Variants in DTNA observed in about 807,000 individuals in gnomAD.
DTNA encodes the protein dystrobrevin alpha.
A neutral mutation model predicts 100.7 loss-of-function variants in DTNA; 43 were observed. That is an observed-to-expected ratio of 0.43 (90% CI 0.33 to 0.55). The LOEUF is 0.55. Among genes scored for constraint, DTNA ranks in the 20% least tolerant of loss-of-function variants. The pLI is 0.04. For synonymous variants in DTNA, 349 were observed against 347.9 expected (o/e 1.00, Z -0.04); for missense variants, 798 against 953.9 (o/e 0.84, Z 2.15).
At chr18:34,626,401 A>C (rs1434424908) in intron 1 of DTNA, among the ~76,000 whole-genome samples, 2 of 152,192 alleles carry the variant, frequency 1.3e-5, no homozygotes, top group Non-Finnish European at 2.9e-5. Context: ...ATGTCCAAAA[A>C]GGGCCTATCA....
At chr18:34,790,163 T>A (rs908561172) in intron 3 of DTNA, among the ~76,000 whole-genome samples, 6 of 152,174 alleles carry the variant, frequency 3.9e-5, no homozygotes, top group Non-Finnish European at 5.9e-5. Flanking sequence ...TTCCTATGTG[T>A]AAGGATGTGT....
intron 9 of DTNA, among the ~76,000 whole-genome samples, chr18:34,823,943 CAAAAT>C (rs1166566734): frequency 2.0e-5 from 3 of 151,996 alleles, no homozygotes; most frequent in African/African-American, 7.3e-5. Context: ...AGCACAGACT[CAAAAT>C]AAAACATTTT....
chr18:34,645,121 C>T (rs892990135), intron 1 of DTNA, among the ~76,000 whole-genome samples: 3 of 152,080 alleles, frequency 2.0e-5, no homozygotes, highest in Admixed American at 2.0e-4. Context: ...AGCTTTTCAA[C>T]ATAATGTAGT....
rs757959636 is a variant in DTNA, at chr18:34,875,336, C to T, written c.1841C>T (p.Thr614Met). ...IRSASACSTP[T>M]HTPQDSLTGV... is the part of the protein sequence containing the mutation. The stretch of plus-strand genomic sequence containing the variant: ...TCAGCGTCAGCCTGCTCCACCCCGA[C>T]GCACACGCCGCAGGACTCCCTCACA... Residue 614 changes from threonine to methionine, a missense_variant, in exon 18 of 23, where the codon ACG becomes ATG. This residue lies in a region of DTNA where 242 missense variants were observed against 238.2 expected (regional missense o/e 1.02). Transcript: ENST00000444659. 18 of 1,614,224 alleles carry T rather than the reference C, an allele frequency of 1.1e-5. No individual in the cohort carries two copies. The highest frequency in any genetic ancestry group is 1.6e-4 in the Middle Eastern group (1 of 6,062).
At chr18:34,740,460 G>A (rs1238748888) in intron 1 of DTNA, among the ~76,000 whole-genome samples, 1 of 151,760 alleles carries the variant, frequency 6.6e-6, no homozygotes, top group Non-Finnish European at 1.5e-5. Context: ...TGCAGACACT[G>A]AAGCTGGAAT....
intron 1 of DTNA, among the ~76,000 whole-genome samples, chr18:34,750,757 C>T (rs992692238): frequency 7.2e-5 from 11 of 152,042 alleles, no homozygotes; most frequent in South Asian, 2.1e-4. Context: ...ATGTAAGGCA[C>T]CATTAGTTTC....
At chr18:34,579,686 G>A (rs2165074) in intron 1 of DTNA, among the ~76,000 whole-genome samples, 15,676 of 152,076 alleles carry the variant, frequency 0.1, 1,172 homozygotes, top group African/African-American at 0.21. Flanking sequence ...TTTTTCCTCT[G>A]GCTGCTTTTA....
At chr18:34,677,364 A>T (rs2077517154) in intron 1 of DTNA, among the ~76,000 whole-genome samples, 1 of 152,140 alleles carries the variant, frequency 6.6e-6, no homozygotes, top group Admixed American at 6.5e-5. Context: ...TGGACAAAAA[A>T]AAAGAAATAT....
chr18:34,721,062 T>C (rs1460003071), intron 1 of DTNA, among the ~76,000 whole-genome samples: 2 of 152,112 alleles, frequency 1.3e-5, no homozygotes, highest in Middle Eastern at 3.2e-3. Flanking sequence ...CCCACAATCC[T>C]AGGAGGTTGA....
Position 34,890,596 on chromosome 18 carries a change from C to T in DTNA, c.*2862C>T. 3 of 1,121,554 alleles carry T rather than the reference C, an allele frequency of 2.7e-6. No homozygotes were observed. Among genetic ancestry groups the T allele is most frequent in the Non-Finnish European group, 3.7e-6 (3 of 810,750 alleles). 69.5% of individuals were successfully genotyped at this position (1,121,554 alleles called of 1,614,324 possible). ...CTGGTCTAACACAGCCAACCCTCCT[C>T]CACAGCGCCATATTAATGGAGGAGG... is the stretch of plus-strand genomic sequence containing the variant. On this transcript the variant is annotated 3_prime_UTR_variant, in exon 23 of 23. Transcript: ENST00000444659.
intron 1 of DTNA, among the ~76,000 whole-genome samples, chr18:34,685,104 C>T (rs1458486581): frequency 6.6e-6 from 1 of 152,186 alleles, no homozygotes; most frequent in Non-Finnish European, 1.5e-5. Context: ...TGCCTGTTCA[C>T]TCTGCTGATA....
chr18:34,600,768 A>G (rs1219257948), intron 1 of DTNA, among the ~76,000 whole-genome samples: 8 of 152,246 alleles, frequency 5.3e-5, no homozygotes, highest in African/African-American at 1.9e-4. Context: ...GAAGTGTTCC[A>G]GATATACTAT....
At chr18:34,589,267 T>C (rs1402198951) in intron 1 of DTNA, among the ~76,000 whole-genome samples, 1 of 152,160 alleles carries the variant, frequency 6.6e-6, no homozygotes, top group African/African-American at 2.4e-5. Flanking sequence ...AGGTGATTAC[T>C]ACAGTTAAAC....
At chr18:34,829,231 GTTGTTTA>G in intron 10 of DTNA, 162 bp from the exon 11 acceptor site, 1 of 1,541,560 alleles carries the variant, frequency 6.5e-7, no homozygotes, top group Non-Finnish European at 8.7e-7. Flanking sequence ...CCACAGTTGT[GTTGTTTA>G]AAGCTCACAT....
upstream of DTNA, chr18:34,708,071 T>C (rs1229634863): frequency 6.6e-6 from 1 of 152,218 alleles, no homozygotes; most frequent in Non-Finnish European, 1.5e-5. Flanking sequence ...TAAAATTGTT[T>C]TTTTCTACCA....
chr18:34,864,030 G>T lies in DTNA; in HGVS notation c.1711G>T (p.Val571Phe), dbSNP rs2096662895. Residue 571 changes from valine (V) to phenylalanine (F), a missense_variant, in exon 17 of 23, where the codon GTC becomes TTC. Val to Phe is a conservative substitution (Grantham distance 50). Coordinates refer to ENST00000444659, the MANE Select transcript of DTNA (RefSeq NM_001386795.1). ...CCAGGAGAGCCGGAGAGAGCTAATG[G>T]TCCAGTTGGAGGGTCTCATGAAGCT... ...ALQESRRELM[V>F]QLEGLMKLLK... 3 of 1,611,804 alleles carry T rather than the reference G, an allele frequency of 1.9e-6. No individual in the cohort carries two copies. The highest frequency in any genetic ancestry group is 1.7e-6 in the Non-Finnish European group (2 of 1,179,168).
At chr18:34,613,869 G>T (rs942681196) in intron 1 of DTNA, among the ~76,000 whole-genome samples, 1 of 152,174 alleles carries the variant, frequency 6.6e-6, no homozygotes, top group Non-Finnish European at 1.5e-5. Flanking sequence ...AGAAGACTGA[G>T]GAAGATAACT....
chr18:34,659,668 T>C (rs1467226950), intron 1 of DTNA, among the ~76,000 whole-genome samples: 5 of 151,822 alleles, frequency 3.3e-5, no homozygotes, highest in Non-Finnish European at 7.4e-5. Flanking sequence ...TCATTTAACA[T>C]CTGGGTTTTA....
chr18:34,617,401 A>C (rs2055526552), intron 1 of DTNA, among the ~76,000 whole-genome samples: 1 of 152,058 alleles, frequency 6.6e-6, no homozygotes. Context: ...TTTGTTTTTA[A>C]TTCTTTCTAT....
Sources: gnomAD v4.1 joint callset for allele counts (sites outside exome capture counted in the v4.1 genomes callset) on GRCh38, gnomAD v4.1.1 for gene constraint, gnomAD v4.1.1 regional missense constraint, MANE v1.5 for transcripts, NCBI Gene and HGNC (gene_info 2026-07-23, HGNC 2026-07-21) for gene names.